SLC25A48: variants seen among roughly 807,000 people sequenced by gnomAD.
SLC25A48 encodes CTC-321K16.1.
In SLC25A48, 29 loss-of-function variants were observed where a neutral mutation model predicts 32.2. The ratio of observed to expected loss-of-function variants is 0.90; its 90% CI spans 0.67 to 1.23. The LOEUF is 1.23. Among genes scored for constraint, SLC25A48 ranks in the 50% most tolerant of loss-of-function variants. The pLI is 0.00. For missense variants in SLC25A48, 399 were observed against 422.7 expected (o/e 0.94, Z 0.49); for synonymous variants, 164 against 172.3 (o/e 0.95, Z 0.38).
At chr5:135,818,120 CCTCT>C (rs1411664751) in intron 4 of SLC25A48, among the ~76,000 whole-genome samples, 3 of 55,450 alleles carry the variant, frequency 5.4e-5, no homozygotes, top group Non-Finnish European at 7.3e-5. Flanking sequence ...TCTCTCTCTC[CCTCT>C]GTTTCTGTTT....
chr5:135,853,871 A>C (rs1033697811), intron 4 of SLC25A48, among the ~76,000 whole-genome samples: 1 of 152,210 alleles, frequency 6.6e-6, no homozygotes, highest in Admixed American at 6.5e-5. Flanking sequence ...TGGCAACTAT[A>C]GCCTTAAGAA....
At chr5:135,864,238 G>A (rs1392519850) in intron 4 of SLC25A48, among the ~76,000 whole-genome samples, 1 of 152,166 alleles carries the variant, frequency 6.6e-6, no homozygotes, top group African/African-American at 2.4e-5. Context: ...AGAGTTGCCT[G>A]GCTGGGAGGT....
intron 3 of SLC25A48, among the ~76,000 whole-genome samples, chr5:135,781,136 C>T (rs1329739846): frequency 8.7e-6 from 1 of 115,464 alleles, no homozygotes; most frequent in African/African-American, 2.6e-5. Context: ...GGTGTATATC[C>T]CCCTGTGATA....
chr5:135,822,710 A>C (rs565258768), intron 4 of SLC25A48, among the ~76,000 whole-genome samples: 61 of 152,302 alleles, frequency 4.0e-4, no homozygotes, highest in African/African-American at 1.4e-3. Flanking sequence ...AGGGCTTAAG[A>C]CTTGAACATG....
intron 3 of SLC25A48, among the ~76,000 whole-genome samples, chr5:135,757,510 T>G (rs1755945267): frequency 6.7e-6 from 1 of 149,594 alleles, no homozygotes; most frequent in South Asian, 2.2e-4. Context: ...TTATAATGTC[T>G]ACTGTTAACA....
intron 3 of SLC25A48, among the ~76,000 whole-genome samples, chr5:135,749,285 AC>A (rs756731875): frequency 1.3e-4 from 18 of 134,468 alleles, no homozygotes; most frequent in African/African-American, 2.3e-4. Context: ...TGTTCCACAC[AC>A]AAAAAAAAAC....
At chr5:135,871,102 C>G (rs1761608789) in intron 4 of SLC25A48, among the ~76,000 whole-genome samples, 1 of 130,796 alleles carries the variant, frequency 7.6e-6, no homozygotes, top group East Asian at 2.2e-4. Context: ...CACACACACA[C>G]ACACACACAG....
chr5:135,625,283 AC>A (rs1437242527), intron 1 of SLC25A48, among the ~76,000 whole-genome samples: 1 of 152,136 alleles, frequency 6.6e-6, no homozygotes, highest in Non-Finnish European at 1.5e-5. Flanking sequence ...GCTGCACAGC[AC>A]CAGAGAGCCT....
chr5:135,843,448 G>A (rs1384185911), intron 2 of SLC25A48, among the ~76,000 whole-genome samples: 1 of 152,218 alleles, frequency 6.6e-6, no homozygotes, highest in Admixed American at 6.5e-5. Context: ...AGGAGTGAGG[G>A]AGGCAGGCAA....
Position 135,886,695 on chromosome 5 carries a change from A to T in SLC25A48, c.*8-1337A>T, listed in dbSNP as rs867187427. Reference sequence around the variant, plus strand: ...GTGTGAGAGAGAGAGAGAGAGAGAGAGAGAGAGTGTGTGTGTGTGTGTGTA... The same window carrying T: ...GTGTGAGAGAGAGAGAGAGAGAGAGTGAGAGAGTGTGTGTGTGTGTGTGTA... On this transcript the variant is annotated intron_variant, in intron 7 of 7. Coordinates refer to ENST00000681962, the MANE Select transcript of SLC25A48 (RefSeq NM_001349336.2). 7.5e-4 allele frequency among the ~76,000 whole-genome samples: 103 copies of T among 137,856 alleles called. 2 individuals carry two copies. Among genetic ancestry groups the T allele is most frequent in the African/African-American group, 1.2e-3 (44 of 35,610 alleles). 90.4% of individuals were successfully genotyped at this position (137,856 alleles called of 152,430 possible). A position where few individuals can be genotyped will look rare whatever the true frequency, so the allele number is the denominator to read the frequency against.
intron 3 of SLC25A48, among the ~76,000 whole-genome samples, chr5:135,643,622 A>C (rs115558512): frequency 6.6e-6 from 1 of 152,082 alleles, no homozygotes; most frequent in Non-Finnish European, 1.5e-5. Context: ...AACTCTCCCA[A>C]TGGAAAGTCC....
chr5:135,651,383 G>GTGAC (rs1753108033), intron 3 of SLC25A48, among the ~76,000 whole-genome samples: 1 of 152,156 alleles, frequency 6.6e-6, no homozygotes, highest in South Asian at 2.1e-4. Context: ...ACTCCCTCAG[G>GTGAC]TGACTGTACA....
At chr5:135,611,594 C>G (rs990638591) in intron 1 of SLC25A48, among the ~76,000 whole-genome samples, 1 of 148,230 alleles carries the variant, frequency 6.7e-6, no homozygotes. Context: ...CACCAATAAT[C>G]CCAGCTACTA....
chr5:135,758,932 TATG>T (rs1014516383), intron 3 of SLC25A48, among the ~76,000 whole-genome samples: 5 of 149,188 alleles, frequency 3.4e-5, no homozygotes, highest in South Asian at 2.1e-4. Context: ...GTTAACACAT[TATG>T]ATATTAATAG....
chr5:135,833,565 G>T (rs999158079), upstream of SLC25A48, among the ~76,000 whole-genome samples: 1 of 152,200 alleles, frequency 6.6e-6, no homozygotes, highest in African/African-American at 2.4e-5. Flanking sequence ...GACTGAGTGG[G>T]TCACCATAAG....
At chr5:135,804,584 A>G (rs1757420786) in intron 3 of SLC25A48, among the ~76,000 whole-genome samples, 5 of 151,684 alleles carry the variant, frequency 3.3e-5, no homozygotes, top group Non-Finnish European at 7.4e-5. Context: ...CAGTGGGTGT[A>G]GAGATATTAC....
intron 3 of SLC25A48, among the ~76,000 whole-genome samples, chr5:135,748,310 C>A (rs1349615018): frequency 1.3e-5 from 2 of 152,138 alleles, no homozygotes; most frequent in African/African-American, 4.8e-5. Flanking sequence ...TATTTTTATT[C>A]TCTTTTGAGA....
At chr5:135,620,354 G>A (rs1051024535) in intron 1 of SLC25A48, among the ~76,000 whole-genome samples, 4 of 152,104 alleles carry the variant, frequency 2.6e-5, no homozygotes, top group African/African-American at 7.2e-5. Context: ...CTTCCTTCGG[G>A]CCACCCAGTG....
intron 2 of SLC25A48, among the ~76,000 whole-genome samples, chr5:135,843,205 T>C (rs1163161531): frequency 6.6e-6 from 1 of 152,172 alleles, no homozygotes; most frequent in Admixed American, 6.5e-5. Context: ...GACATCCCAA[T>C]GCAGGGGGAT....
Sources: gnomAD v4.1 joint callset for allele counts (sites outside exome capture counted in the v4.1 genomes callset) on GRCh38, gnomAD v4.1.1 for gene constraint, MANE v1.5 for transcripts, NCBI Gene and HGNC (gene_info 2026-07-23, HGNC 2026-07-21) for gene names.